The following HGFAC variants were observed in gnomAD, a reference collection of about 807,000 sequenced individuals.
The protein encoded by HGFAC is HGF activator.
A neutral mutation model predicts 70.6 loss-of-function variants in HGFAC; 76 were observed. The ratio of observed to expected loss-of-function variants is 1.08; its 90% CI spans 0.89 to 1.30. HGFAC has a LOEUF of 1.30. Among genes scored for constraint, HGFAC ranks in the 50% most tolerant of loss-of-function variants. The pLI is 0.00. For missense variants in HGFAC, 1,044 were observed against 933.7 expected (o/e 1.12, Z -1.54); for synonymous variants, 464 against 405.3 (o/e 1.14, Z -1.74).
At chr4:3,448,303 C>T (rs765964578) in intron 13 of HGFAC, 27 bp downstream of exon 13, 1 of 1,598,602 alleles carries the variant, frequency 6.3e-7, no homozygotes, top group Non-Finnish European at 8.5e-7. Flanking sequence ...CCCACCAGGA[C>T]CCGACTGGTG....
In HGFAC at chr4:3,446,094, G is replaced by T. The variant is rs201249501; in HGVS notation, c.1155G>T (p.Glu385Asp). 6.9e-5 allele frequency: 111 copies of T among 1,610,168 alleles called. 2 individuals are homozygous for T. In the Middle Eastern group the frequency reaches 3.0e-3, roughly 43 times the overall value. Residue 385 changes from glutamate (E) to aspartate (D), a missense_variant, in exon 10 of 14, where the codon GAG (glutamate) becomes GAT (aspartate). Physicochemically the swap from Glu to Asp is conservative, Grantham distance 45 (BLOSUM62 2). Transcript: ENST00000382774. Reference protein sequence around the residue: ...LSPDLLATLPEPASPGRQACG... With the variant: ...LSPDLLATLPDPASPGRQACG... The stretch of plus-strand genomic sequence containing the variant: ...CGGATCTCCTGGCGACCCTGCCTGA[G>T]CCAGCCTCCCCGGGGCGCCAGGCCT...
Position 3,444,990 on chromosome 4 carries a change from G to A in HGFAC, c.1013G>A (p.Cys338Tyr), listed in dbSNP as rs1407013537. Reference protein sequence around the residue: ...ALLGLGPHAYCRNPDNDERPW... With the variant: ...ALLGLGPHAYYRNPDNDERPW... ...CTGGGCCTGGGCCCCCATGCCTACT[G>A]CCGGTCAGCACCACGCCGCTCCAGG... is the stretch of plus-strand genomic sequence containing the variant. Residue 338 changes from cysteine (C) to tyrosine (Y), a missense_variant, in exon 8 of 14, where the codon TGC becomes TAC. Cys to Tyr is a radical substitution (Grantham distance 194). Coordinates refer to ENST00000382774, the MANE Select transcript of HGFAC (RefSeq NM_001528.4). The A allele has an allele frequency of 6.3e-7, 1 of 1,587,106 alleles. No homozygotes were observed.
intron 11 of HGFAC, 123 bp from the exon 12 acceptor site, chr4:3,447,772 C>T (rs2109301666): frequency 6.6e-7 from 1 of 1,522,988 alleles, no homozygotes; most frequent in South Asian, 1.2e-5. Flanking sequence ...GGGCACCGCT[C>T]CCTTCTGGAT....
At position 3,446,297 on chromosome 4, in the gene HGFAC, G is replaced by A. The variant is rs1035567103; in HGVS notation, c.1355+3G>A. 1.9e-5 allele frequency: 31 copies of A among 1,603,206 alleles called. No homozygotes were observed. In the East Asian group the frequency reaches 6.3e-4, roughly 32 times the overall value. ...GCCGCCCACTGCTTCTCCCACAGGT[G>A]CACCTCCTCTGGGCCCCAGTCACCT... is the stretch of plus-strand genomic sequence containing the variant. On this transcript the variant is annotated splice_donor_region_variant and intron_variant, in intron 10 of 13. Coordinates refer to ENST00000382774, the MANE Select transcript of HGFAC (RefSeq NM_001528.4).
rs1725360128 is a variant in HGFAC at position 3,442,841 on chromosome 4, AG to A, written c.230del (p.Gly77AspfsTer170). The A allele has an allele frequency of 2.5e-6, 4 of 1,588,952 alleles. No individual in the cohort carries two copies. The highest frequency in any genetic ancestry group is 3.4e-6 in the Non-Finnish European group (4 of 1,169,104). ...CCAGCAACAAGTGCTCCAGAGGCAG[AG>A]GGACCCCAAAGTGGGGGGCTCCCGC... The part of the protein sequence containing the change: ...ETPATSAPEA[E>X]GPQSGGLPPP... On this transcript the variant is annotated frameshift_variant, in exon 2 of 14. Coordinates refer to ENST00000382774, the MANE Select transcript of HGFAC (RefSeq NM_001528.4). LOFTEE classifies it high-confidence loss of function.
rs534595424 is a variant in HGFAC at position 3,444,866 on chromosome 4, G to A, written c.889G>A (p.Val297Met). Residue 297 changes from valine (V) to methionine (M), a missense_variant, in exon 8 of 14, where the codon GTG becomes ATG. Val to Met is a conservative substitution (Grantham distance 21, BLOSUM62 1). Transcript: ENST00000382774. Reference sequence around the variant, plus strand: ...GGGGAACGGCACTGGGTACCGTGGCGTGGCCAGCACCTCAGCCTCGGGCCT... The same window carrying A: ...GGGGAACGGCACTGGGTACCGTGGCATGGCCAGCACCTCAGCCTCGGGCCT... The part of the protein sequence containing the change: ...FLGNGTGYRG[V>M]ASTSASGLSC... 9 of 1,606,358 alleles carry A rather than the reference G, an allele frequency of 5.6e-6. No homozygotes were observed. In the East Asian group the frequency reaches 1.1e-4, roughly 20 times the overall value.
Position 3,442,745 on chromosome 4 carries a change from C to T in HGFAC, c.131C>T (p.Ser44Phe), listed in dbSNP as rs750912432. Residue 44 changes from serine to phenylalanine, a missense_variant, in exon 2 of 14, where the codon TCC (serine) becomes TTC (phenylalanine). Transcript: ENST00000382774. ...QPQPGGNRTESPEPNATATPA... is the reference protein window; with the variant it reads ...QPQPGGNRTEFPEPNATATPA... Reference sequence around the variant, plus strand: ...TGCTCCTCCTAGAACCGTACGGAGTCCCCAGAACCTAATGCCACAGCGACC... The same window carrying T: ...TGCTCCTCCTAGAACCGTACGGAGTTCCCAGAACCTAATGCCACAGCGACC... The T allele has an allele frequency of 4.0e-6, 6 of 1,512,546 alleles. No individual in the cohort carries two copies. The highest frequency in any genetic ancestry group is 2.3e-5 in the Admixed American group (1 of 42,966). The allele number at this position is 1,512,546 out of a possible 1,614,324, so 93.7% of individuals were successfully genotyped here.
intron 5 of HGFAC, 24 bp downstream of exon 5, chr4:3,444,185 C>A (rs1725410388): frequency 1.3e-6 from 2 of 1,575,942 alleles, no homozygotes; most frequent in South Asian, 2.3e-5. Flanking sequence ...CGGAGGTCCG[C>A]AGGGGTCCAG....
chr4:3,445,315 C>T lies in HGFAC; in HGVS notation c.1067C>T (p.Ala356Val), dbSNP rs142652510. ...RPWCYVVKDSALSWEYCRLEA... is the reference protein window; with the variant it reads ...RPWCYVVKDSVLSWEYCRLEA... The stretch of plus-strand genomic sequence containing the variant: ...TGGTGCTACGTGGTGAAGGACAGCG[C>T]GCTCTCCTGGGAGTACTGCCGCCTG... Residue 356 changes from alanine (A) to valine (V), a missense_variant, in exon 9 of 14, where the codon GCG becomes GTG. Ala to Val is a moderately conservative substitution (Grantham distance 64). Transcript: ENST00000382774. 2.4e-4 allele frequency: 382 copies of T among 1,588,352 alleles called. 1 individual carries two copies. The highest frequency in any genetic ancestry group is 4.6e-4 in the Admixed American group (26 of 56,968).
chr4:3,443,205 T>C, intron 3 of HGFAC, 59 bp downstream of exon 3: 1 of 1,358,944 alleles, frequency 7.4e-7, no homozygotes, highest in Non-Finnish European at 9.9e-7. Context: ...CTGCCTGCTT[T>C]TCTGGGAGCC....
Position 3,444,974 on chromosome 4 carries a change from G to C in HGFAC, c.997G>C (p.Gly333Arg). ...SVGAAALLGLGPHAYCRNPDN... is the reference protein window; with the variant it reads ...SVGAAALLGLRPHAYCRNPDN... ...GGGCGCCGCGGCCCTGCTGGGCCTG[G>C]GCCCCCATGCCTACTGCCGGTCAGC... The change falls in exon 8 of 14, where the codon GGC becomes CGC. Residue 333 changes from glycine (G) to arginine (R), a missense_variant. Coordinates refer to ENST00000382774, the MANE Select transcript of HGFAC (RefSeq NM_001528.4). 2 of 1,597,794 alleles carry C rather than the reference G, an allele frequency of 1.3e-6. No individual in the cohort carries two copies. Among genetic ancestry groups the C allele is most frequent in the Non-Finnish European group, 1.7e-6 (2 of 1,174,070 alleles).
chr4:3,445,255 T>C lies in HGFAC; in HGVS notation c.1017-10T>C, dbSNP rs755217142. 3.2e-6 allele frequency: 5 copies of C among 1,563,218 alleles called. No individual in the cohort carries two copies. Among genetic ancestry groups the C allele is most frequent in the Middle Eastern group, 1.7e-4 (1 of 5,994 alleles). Reference sequence around the variant, plus strand: ...GTGACTCCCTGCCAGCCCCCACTTATGCACCGCAGGAATCCGGACAATGAC... The same window carrying C: ...GTGACTCCCTGCCAGCCCCCACTTACGCACCGCAGGAATCCGGACAATGAC... On this transcript the variant is annotated splice_polypyrimidine_tract_variant and intron_variant, in intron 8 of 13. Coordinates refer to ENST00000382774, the MANE Select transcript of HGFAC (RefSeq NM_001528.4).
intron 7 of HGFAC, 40 bp from the exon 8 acceptor site, chr4:3,444,779 G>C (rs1187327972): frequency 6.3e-7 from 1 of 1,578,492 alleles, no homozygotes; most frequent in African/African-American, 1.3e-5. Flanking sequence ...GTGCCGGGTG[G>C]ACCCACCGTG....
rs903315425 is a variant in HGFAC at position 3,448,005 on chromosome 4, C to T, written c.1606C>T (p.Gln536Ter). Residue 536 changes from glutamine to a stop codon, truncating the protein, a stop_gained, in exon 12 of 14, where the codon CAG (glutamine) becomes TAG (stop). Coordinates refer to ENST00000382774, the MANE Select transcript of HGFAC (RefSeq NM_001528.4). LOFTEE classifies it high-confidence loss of function. Reference sequence around the variant, plus strand: ...CACCTTCCCCGCAGGACACAAGTGCCAGATTGCGGGCTGGGGCCACTTGGA... The same window carrying T: ...CACCTTCCCCGCAGGACACAAGTGCTAGATTGCGGGCTGGGGCCACTTGGA... ...GSTFPAGHKC[Q>*]IAGWGHLDEN... The T allele has an allele frequency of 1.3e-6, 2 of 1,568,958 alleles. No homozygotes were observed. The highest frequency in any genetic ancestry group is 2.4e-5 in the East Asian group (1 of 42,048).
chr4:3,443,543 C>G, intron 4 of HGFAC, 123 bp downstream of exon 4: 1 of 569,604 alleles, frequency 1.8e-6, no homozygotes, highest in Non-Finnish European at 2.9e-6. Flanking sequence ...AAGAGGAGCT[C>G]TGGGATTAAC....
chr4:3,448,038 GAGTTGGGAGGGGGGCGCCCAGCGCCC>G lies in HGFAC; in HGVS notation c.1636+4_1636+29del. On this transcript the variant is annotated splice_donor_5th_base_variant and intron_variant, in intron 12 of 13. Coordinates refer to ENST00000382774, the MANE Select transcript of HGFAC (RefSeq NM_001528.4). ...GGGCTGGGGCCACTTGGATGAGAGTGAGTTGGGAGGGGGGCGCCCAGCGCCCCGCCAGGGTGGACAGTGGCCAGCCA... is the reference window on the plus strand; with the variant it reads ...GGGCTGGGGCCACTTGGATGAGAGTGCGCCAGGGTGGACAGTGGCCAGCCA... 1 of 1,556,716 alleles carries G rather than the reference GAGTTGGGAGGGGGGCGCCCAGCGCCC, an allele frequency of 6.4e-7. No individual in the cohort carries two copies. The highest frequency in any genetic ancestry group is 1.9e-5 in the Admixed American group (1 of 51,710).
Position 3,443,139 on chromosome 4 carries a change from A to T in HGFAC, c.388A>T (p.Arg130Trp). ...HACTSEGSAH[R>W]KWCATTHNYD... The stretch of plus-strand genomic sequence containing the variant: ...CTGCACTTCGGAGGGCAGTGCACAC[A>T]GGAAGTGGTGGGTCCGGGCAGCCGG... Residue 130 changes from arginine (R) to tryptophan (W), a missense_variant, in exon 3 of 14, where the codon AGG becomes TGG. By Grantham distance (101) the Arg-to-Trp change is moderately radical. Transcript: ENST00000382774. 1 of 1,552,116 alleles carries T rather than the reference A, an allele frequency of 6.4e-7. No homozygotes were observed. Among genetic ancestry groups the T allele is most frequent in the Non-Finnish European group, 8.7e-7 (1 of 1,154,452 alleles).
In HGFAC at chr4:3,444,847, C is replaced by T. The variant is rs772076535; in HGVS notation, c.870C>T (p.Asn290=). The change falls in exon 8 of 14, where the codon AAC becomes AAT. Residue 290 remains asparagine, a synonymous_variant. Transcript: ENST00000382774. The part of the protein sequence containing the change: ...IEPDERCFLG[N]GTGYRGVAST... ...CTGATGAGCGCTGCTTCTTGGGGAA[C>T]GGCACTGGGTACCGTGGCGTGGCCA... 49 of 1,600,892 alleles carry T rather than the reference C, an allele frequency of 3.1e-5. 1 individual carries two copies. The highest frequency in any genetic ancestry group is 4.5e-5 in the East Asian group (2 of 44,644).
Position 3,445,938 on chromosome 4 carries a change from C to T in HGFAC, c.1103-104C>T, listed in dbSNP as rs58317825. 1.1e-3 allele frequency: 1,700 copies of T among 1,557,064 alleles called. 21 individuals carry two copies. In the African/African-American group the frequency reaches 0.021, roughly 19 times the overall value. The stretch of plus-strand genomic sequence containing the variant: ...GCCTGAGCAGCGTGGACAGGGGGTC[C>T]GGCCATGGCCCTCTGCAGCGCCTCC... On this transcript the variant is annotated intron_variant, in intron 9 of 13. Transcript: ENST00000382774.
Sources: gnomAD v4.1 joint callset for allele counts on GRCh38, gnomAD v4.1.1 for gene constraint, MANE v1.5 for transcripts, NCBI Gene and HGNC (gene_info 2026-07-23, HGNC 2026-07-21) for gene names.